TRPM7: variants seen among roughly 807,000 people sequenced by gnomAD.
TRPM7 encodes the protein transient receptor potential cation channel subfamily M member 7, also known as LTRPC ion channel family member 7.
A neutral mutation model predicts 229.7 loss-of-function variants in TRPM7; 134 were observed. That is an observed-to-expected ratio of 0.58 (90% CI 0.51 to 0.67). The LOEUF is 0.67. Among genes scored for constraint, TRPM7 ranks in the 30% least tolerant of loss-of-function variants. TRPM7 has a pLI of 0.00. For synonymous variants in TRPM7, 699 were observed against 715.2 expected, an observed-to-expected ratio of 0.98 and a Z score of 0.36; for missense variants, 1,901 against 2,210.0, an observed-to-expected ratio of 0.86 and a Z score of 2.80.
intron 38 of TRPM7, among the ~76,000 whole-genome samples, chr15:50,562,772 C>CAAAAA (rs537634338): frequency 1.2e-5 from 1 of 80,876 alleles, no homozygotes; most frequent in African/African-American, 4.2e-5. Context: ...GATCCTGTCT[C>CAAAAA]AAAAAAAAAA....
At chr15:50,684,576 G>T (rs2062317460) in intron 1 of TRPM7, among the ~76,000 whole-genome samples, 1 of 151,890 alleles carries the variant, frequency 6.6e-6, no homozygotes, top group South Asian at 2.1e-4. Context: ...AGGAGGCGGA[G>T]GCTGCAGTCA....
intron 1 of TRPM7, among the ~76,000 whole-genome samples, chr15:50,672,939 G>C (rs1455694429): frequency 8.0e-6 from 1 of 125,234 alleles, no homozygotes; most frequent in Non-Finnish European, 1.7e-5. Flanking sequence ...TATAGAATAA[G>C]TATATAAAGA....
At chr15:50,611,842 T>G (rs1197578017) in intron 16 of TRPM7, among the ~76,000 whole-genome samples, 2 of 152,236 alleles carry the variant, frequency 1.3e-5, no homozygotes, top group African/African-American at 4.8e-5. Context: ...TAGTATATAT[T>G]AGAAAACTTC....
intron 7 of TRPM7, among the ~76,000 whole-genome samples, chr15:50,637,115 G>A (rs1338993758): frequency 6.9e-6 from 1 of 144,730 alleles, no homozygotes; most frequent in Non-Finnish European, 1.5e-5. Context: ...GACAGAGCGA[G>A]ACTCCGCCTC....
Position 50,686,767 on chromosome 15 carries a change from G to C in TRPM7, c.-234C>G. On this transcript the variant is annotated 5_prime_UTR_variant, in exon 1 of 39. Coordinates refer to ENST00000646667, the MANE Select transcript of TRPM7 (RefSeq NM_017672.6). ...TGACTGGCCACAGGGACGCGCCCGC[G>C]CCCGCCTCCGCCGGCGACGGGGCTG... 2.1e-6 allele frequency: 1 copy of C among 470,758 alleles called. No individual in the cohort carries two copies. Among genetic ancestry groups the C allele is most frequent in the African/African-American group, 2.1e-5 (1 of 48,550 alleles). 29.2% of individuals were successfully genotyped at this position (470,758 alleles called of 1,614,324 possible). A position where few individuals can be genotyped will look rare whatever the true frequency, so the allele number is the denominator to read the frequency against.
At chr15:50,593,343 T>C (rs7172730) in intron 25 of TRPM7, among the ~76,000 whole-genome samples, 4,398 of 151,944 alleles carry the variant, frequency 0.029, 233 homozygotes, top group African/African-American at 0.1. Flanking sequence ...AAAAATGCTG[T>C]AAAATAGTGA....
At chr15:50,592,979 T>C (rs991909286) in intron 25 of TRPM7, among the ~76,000 whole-genome samples, 2 of 152,132 alleles carry the variant, frequency 1.3e-5, no homozygotes, top group Admixed American at 6.5e-5. Context: ...TTCCAGAATG[T>C]AGTGAAGCCA....
intron 26 of TRPM7, among the ~76,000 whole-genome samples, chr15:50,591,141 T>C (rs751061674): frequency 2.0e-5 from 3 of 152,220 alleles, no homozygotes; most frequent in Admixed American, 6.5e-5. Context: ...TGTGAATATA[T>C]AAATAGGTAC....
intron 28 of TRPM7, among the ~76,000 whole-genome samples, chr15:50,585,716 G>A (rs1181123385): frequency 6.6e-6 from 1 of 152,146 alleles, no homozygotes; most frequent in Non-Finnish European, 1.5e-5. Context: ...GAAAGTGATG[G>A]TGAGATGGAC....
intron 13 of TRPM7, 60 bp downstream of exon 13, chr15:50,619,685 C>A (rs2060333761): frequency 1.5e-6 from 2 of 1,292,646 alleles, no homozygotes; most frequent in Admixed American, 2.6e-5. Flanking sequence ...TTTTAAAAAA[C>A]ATGAAATATA....
chr15:50,672,835 G>A (rs2062018187), intron 1 of TRPM7, among the ~76,000 whole-genome samples: 1 of 143,444 alleles, frequency 7.0e-6, no homozygotes, highest in Non-Finnish European at 1.5e-5. Context: ...GCTTGAACCA[G>A]GGAAGCAGAG....
intron 12 of TRPM7, among the ~76,000 whole-genome samples, chr15:50,621,824 G>A (rs2060415866): frequency 6.6e-6 from 1 of 152,126 alleles, no homozygotes; most frequent in Non-Finnish European, 1.5e-5. Context: ...TAGGTCAGGA[G>A]TTCAAGACCA....
intron 6 of TRPM7, among the ~76,000 whole-genome samples, chr15:50,638,421 T>G (rs1392775449): frequency 7.9e-6 from 1 of 127,198 alleles, no homozygotes; most frequent in Admixed American, 8.3e-5. Context: ...TAGTGGTGGG[T>G]GCCTGTAATC....
intron 27 of TRPM7, chr15:50,588,082 T>C (rs1380588885): frequency 4.3e-6 from 1 of 231,594 alleles, no homozygotes; most frequent in Non-Finnish European, 6.9e-6. Flanking sequence ...CTGCAAATTA[T>C]AGTCTTATGA....
chr15:50,673,205 TC>T (rs1472652456), intron 1 of TRPM7, among the ~76,000 whole-genome samples: 1 of 152,138 alleles, frequency 6.6e-6, no homozygotes, highest in Non-Finnish European at 1.5e-5. Flanking sequence ...CAGAACAACT[TC>T]CAGGTCCACA....
chr15:50,680,278 T>C (rs1381667237), intron 1 of TRPM7, among the ~76,000 whole-genome samples: 1 of 151,916 alleles, frequency 6.6e-6, no homozygotes, highest in Non-Finnish European at 1.5e-5. Context: ...TACAGACTAA[T>C]GCGTGTAATC....
intron 28 of TRPM7, among the ~76,000 whole-genome samples, chr15:50,584,438 A>G (rs778274022): frequency 6.6e-5 from 10 of 152,060 alleles, no homozygotes; most frequent in Non-Finnish European, 1.2e-4. Flanking sequence ...GTGTGTGTGT[A>G]TGTTCGTTCT....
chr15:50,612,715 C>A lies in TRPM7; in HGVS notation c.1885G>T (p.Ala629Ser), dbSNP rs2060095304. The A allele has an allele frequency of 6.2e-7, 1 of 1,613,972 alleles. No homozygotes were observed. The highest frequency in any genetic ancestry group is 1.3e-5 in the African/African-American group (1 of 74,912). The change falls in exon 16 of 39, where the codon GCT becomes TCT. Residue 629 changes from alanine (A) to serine (S), a missense_variant. Ala to Ser is a moderately conservative substitution (Grantham distance 99). Coordinates refer to ENST00000646667, the MANE Select transcript of TRPM7 (RefSeq NM_017672.6). ...ATGACCTGCCTCTTCATAAGGCAAG[C>A]CCAAATTAAAAGTTCATTAAGTGGA... is the stretch of plus-strand genomic sequence containing the variant. ...PYPLNELLIW[A>S]CLMKRQVMAR... is the part of the protein sequence containing the mutation.
chr15:50,680,350 G>C (rs2062214156), intron 1 of TRPM7, among the ~76,000 whole-genome samples: 1 of 152,108 alleles, frequency 6.6e-6, no homozygotes, highest in East Asian at 1.9e-4. Context: ...AGGCCAGCCT[G>C]AGCAACATGC....
Sources: allele counts gnomAD v4.1 joint callset (sites outside exome capture counted in the v4.1 genomes callset), GRCh38; gene constraint gnomAD v4.1.1; transcripts MANE v1.5; gene names NCBI Gene and HGNC (gene_info 2026-07-23, HGNC 2026-07-21).